The following ANXA10 variants were observed in gnomAD, a reference collection of about 807,000 sequenced individuals.
ANXA10 encodes annexin A10, also known as annexin 14.
Under a neutral mutation model 53.5 loss-of-function variants are expected in ANXA10, and 49 were observed. The ratio of observed to expected loss-of-function variants is 0.92; its 90% CI spans 0.73 to 1.16. The LOEUF (loss-of-function observed/expected upper bound fraction) is 1.16, where lower values mean the gene tolerates loss of function less well. Among genes scored for constraint, ANXA10 ranks in the 50% most tolerant of loss-of-function variants. The pLI is 0.00. For missense variants in ANXA10, 393 were observed against 394.4 expected (o/e 1.00, Z 0.03); for synonymous variants, 131 against 128.9 (o/e 1.02, Z -0.11).
intron 6 of ANXA10, among the ~76,000 whole-genome samples, chr4:168,168,169 G>A (rs1731916671): frequency 6.6e-6 from 1 of 152,144 alleles, no homozygotes; most frequent in Non-Finnish European, 1.5e-5. Flanking sequence ...CAGAGACTTA[G>A]TCTCCTTCCA....
intron 1 of ANXA10, among the ~76,000 whole-genome samples, chr4:168,106,749 C>G (rs928634399): frequency 2.6e-5 from 4 of 152,096 alleles, no homozygotes; most frequent in Non-Finnish European, 4.4e-5. Flanking sequence ...GTAACATTTT[C>G]TGGCTGTGCT....
rs546360819 is a variant in ANXA10, at chr4:168,148,509, C to T, written c.195+8929C>T. ...AGTCAGTCTTTGAAATGGACTCTAT[C>T]TTACTTGCTAACCTATGTTCACAAT... On this transcript the variant is annotated intron_variant, in intron 3 of 11. Transcript: ENST00000359299. Among the ~76,000 whole-genome samples, 4 of 152,276 alleles carry T rather than the reference C, an allele frequency of 2.6e-5. No individual in the cohort carries two copies. The East Asian group carries it at 7.7e-4, about 29-fold the overall frequency.
At chr4:168,132,521 G>C (rs1288025775) in intron 2 of ANXA10, among the ~76,000 whole-genome samples, 1 of 152,004 alleles carries the variant, frequency 6.6e-6, no homozygotes, top group Non-Finnish European at 1.5e-5. Flanking sequence ...TGGTTCATGG[G>C]TACAAAAAAT....
intron 3 of ANXA10, among the ~76,000 whole-genome samples, chr4:168,153,015 G>T (rs949048131): frequency 6.6e-6 from 1 of 151,888 alleles, no homozygotes; most frequent in Non-Finnish European, 1.5e-5. Flanking sequence ...GCGAGTTTTT[G>T]GCATTTTTTG....
intron 3 of ANXA10, among the ~76,000 whole-genome samples, chr4:168,152,038 T>C (rs1364401985): frequency 1.3e-5 from 2 of 152,210 alleles, no homozygotes; most frequent in Non-Finnish European, 1.5e-5. Flanking sequence ...CACAGTTCTA[T>C]GGGCTGGTGA....
chr4:168,137,046 G>A (rs961210925), intron 2 of ANXA10, among the ~76,000 whole-genome samples: 1 of 152,158 alleles, frequency 6.6e-6, no homozygotes, highest in Non-Finnish European at 1.5e-5. Context: ...ATATATCTGG[G>A]GTCCTTTTAG....
At chr4:168,103,678 T>G (rs1171318918) in intron 1 of ANXA10, among the ~76,000 whole-genome samples, 1 of 151,896 alleles carries the variant, frequency 6.6e-6, no homozygotes, top group African/African-American at 2.4e-5. Context: ...TTGAATAAAA[T>G]TGTCAACATC....
At chr4:168,165,389 CA>C (rs33925175) in intron 6 of ANXA10, 63 bp downstream of exon 6, 47,953 of 393,480 alleles carry the variant, frequency 0.12, 190 homozygotes, top group Middle Eastern at 0.15. Context: ...ATGTCATTGC[CA>C]AAAAAAAAAA....
intron 3 of ANXA10, among the ~76,000 whole-genome samples, chr4:168,144,333 C>T (rs918392388): frequency 6.6e-6 from 1 of 152,126 alleles, no homozygotes; most frequent in African/African-American, 2.4e-5. Context: ...ATTACAGGAC[C>T]GTGCAACCAC....
intron 1 of ANXA10, among the ~76,000 whole-genome samples, chr4:168,116,567 C>A (rs1339450785): frequency 1.3e-5 from 2 of 151,876 alleles, no homozygotes; most frequent in Non-Finnish European, 2.9e-5. Context: ...ATCTCCCCCA[C>A]CCCCCAAAAA....
intron 3 of ANXA10, among the ~76,000 whole-genome samples, chr4:168,158,479 G>T (rs1289176414): frequency 6.6e-6 from 1 of 152,088 alleles, no homozygotes; most frequent in Non-Finnish European, 1.5e-5. Flanking sequence ...TATGTATCAT[G>T]TAAGAATTTT....
At chr4:168,119,072 C>G (rs959431447) in intron 1 of ANXA10, among the ~76,000 whole-genome samples, 1 of 151,844 alleles carries the variant, frequency 6.6e-6, no homozygotes, top group African/African-American at 2.4e-5. Flanking sequence ...ATTTAGTGTG[C>G]CTTGATATAT....
intron 3 of ANXA10, among the ~76,000 whole-genome samples, chr4:168,156,162 T>TAATATATATATTATATATTA (rs377015231): frequency 2.2e-4 from 11 of 50,882 alleles, no homozygotes; most frequent in African/African-American, 8.9e-4. Flanking sequence ...ATATTATATA[T>TAATATATATATTATATATTA]TATATATATT....
At chr4:168,157,932 T>C (rs1051437045) in intron 3 of ANXA10, among the ~76,000 whole-genome samples, 3 of 152,214 alleles carry the variant, frequency 2.0e-5, no homozygotes, top group Admixed American at 6.6e-5. Flanking sequence ...TTTGGGTTTA[T>C]AAATGTTCAT....
chr4:168,117,779 G>A (rs1277914390), intron 1 of ANXA10, among the ~76,000 whole-genome samples: 1 of 152,116 alleles, frequency 6.6e-6, no homozygotes, highest in African/African-American at 2.4e-5. Flanking sequence ...CAAGATAAGT[G>A]TTTACCAACT....
chr4:168,122,573 C>T (rs983844369), intron 1 of ANXA10, among the ~76,000 whole-genome samples: 4 of 152,176 alleles, frequency 2.6e-5, no homozygotes, highest in African/African-American at 9.7e-5. Flanking sequence ...TTAATTGGCT[C>T]ACAGTTCTGC....
At chr4:168,176,872 C>T (rs527561194) in intron 6 of ANXA10, among the ~76,000 whole-genome samples, 9 of 152,136 alleles carry the variant, frequency 5.9e-5, no homozygotes, top group South Asian at 2.1e-4. Context: ...TAGTGGCACA[C>T]GCCTGCAGTC....
At chr4:168,178,023 T>A (rs886999470) in intron 8 of ANXA10, 40 bp downstream of exon 8, 1 of 1,567,230 alleles carries the variant, frequency 6.4e-7, no homozygotes, top group Admixed American at 1.7e-5. Flanking sequence ...ACTTGACCAA[T>A]TATATAACAA....
chr4:168,118,381 T>A (rs11947789), intron 1 of ANXA10, among the ~76,000 whole-genome samples: 78,586 of 152,026 alleles, frequency 0.52, 21,126 homozygotes, highest in Non-Finnish European at 0.6. Flanking sequence ...GTATTTTCTA[T>A]TTCAGGGAGG....
Sources: allele counts gnomAD v4.1 joint callset (sites outside exome capture counted in the v4.1 genomes callset), GRCh38; gene constraint gnomAD v4.1.1; transcripts MANE v1.5; gene names NCBI Gene and HGNC (gene_info 2026-07-23, HGNC 2026-07-21).